Variants in PCDHGA1 observed in about 807,000 individuals in gnomAD.
PCDHGA1 encodes protocadherin gamma-A1.
In PCDHGA1, 32 loss-of-function variants were observed where a neutral mutation model predicts 58.0. That is an observed-to-expected ratio of 0.55 (90% CI 0.42 to 0.74). The LOEUF (loss-of-function observed/expected upper bound fraction) is 0.74. Among genes scored for constraint, PCDHGA1 ranks in the 30% least tolerant of loss-of-function variants. The pLI is 0.00. For synonymous variants in PCDHGA1, 498 were observed against 501.1 expected (o/e 0.99, Z 0.08); for missense variants, 1,205 against 1,182.3 (o/e 1.02, Z -0.28).
rs776550132 is a variant in PCDHGA1, at chr5:141,394,056, G to A, written c.2421+60951G>A. 6 of 1,613,616 alleles carry A rather than the reference G, an allele frequency of 3.7e-6. No homozygotes were observed. The African/African-American group carries it at 5.3e-5, about 14-fold the overall frequency. On this transcript the variant is annotated intron_variant, in intron 1 of 3. Coordinates refer to ENST00000517417, the MANE Select transcript of PCDHGA1 (RefSeq NM_018912.3). ...AAGGAAATATTTGGACCGAGAAAAT[G>A]TCTCTATCTACAATATCACAGTGAT...
At chr5:141,363,810 T>C (rs1763071623) in intron 1 of PCDHGA1, among the ~76,000 whole-genome samples, 1 of 152,204 alleles carries the variant, frequency 6.6e-6, no homozygotes, top group Non-Finnish European at 1.5e-5. Flanking sequence ...AAATCTTGAA[T>C]CCTACAAAGG....
intron 1 of PCDHGA1, among the ~76,000 whole-genome samples, chr5:141,425,699 G>A (rs535043616): frequency 6.6e-6 from 1 of 152,260 alleles, no homozygotes; most frequent in Non-Finnish European, 1.5e-5. Context: ...ATTTCATAGT[G>A]GTCAAAATTT....
chr5:141,410,435 G>C (rs772158163), intron 1 of PCDHGA1: 5 of 1,614,054 alleles, frequency 3.1e-6, no homozygotes, highest in Non-Finnish European at 4.2e-6. Flanking sequence ...CAACTACAGT[G>C]AGGGGACTTT....
At chr5:141,368,236 C>T (rs1444187989) in intron 1 of PCDHGA1, among the ~76,000 whole-genome samples, 1 of 152,160 alleles carries the variant, frequency 6.6e-6, no homozygotes, top group Non-Finnish European at 1.5e-5. Context: ...CTACATTACT[C>T]AACCACATGA....
rs1292747996 is a variant in PCDHGA1, at chr5:141,475,972, T to C, written c.2422-18835T>C. 2.0e-5 allele frequency: 19 copies of C among 963,712 alleles called. No individual in the cohort carries two copies. In the East Asian group the frequency reaches 3.4e-4, roughly 17 times the overall value. The allele number at this position is 963,712 out of a possible 1,614,324, so 59.7% of individuals were successfully genotyped here. A position where few individuals can be genotyped will look rare whatever the true frequency, so the allele number is the denominator to read the frequency against. ...CTGCGCCCCGGGATGAGGCAGAGAC[T>C]GAACAGCCGGCGAGCAAATCAACGG... On this transcript the variant is annotated intron_variant, in intron 1 of 3. Transcript: ENST00000517417.
intron 2 of PCDHGA1, among the ~76,000 whole-genome samples, chr5:141,503,203 A>G (rs10477147): frequency 0.037 from 5,590 of 152,130 alleles, 132 homozygotes; most frequent in South Asian, 0.073. Flanking sequence ...TCAGCCTCTC[A>G]GTGCCCACCA....
intron 1 of PCDHGA1, chr5:141,395,542 TTGTG>T (rs55729045): frequency 0.22 from 37,255 of 170,042 alleles, 4,387 homozygotes; most frequent in East Asian, 0.36. Flanking sequence ...TTGCTATTGT[TTGTG>T]TGTGTGTGTG....
chr5:141,467,693 G>A lies in PCDHGA1; in HGVS notation c.2422-27114G>A, dbSNP rs543886467. Among the ~76,000 whole-genome samples the A allele has an allele frequency of 2.0e-4, 30 of 152,110 alleles. No individual in the cohort carries two copies. In the South Asian group the frequency reaches 5.6e-3, roughly 28 times the overall value. On this transcript the variant is annotated intron_variant, in intron 1 of 3. Transcript: ENST00000517417. ...TTTTATTTTTTTTAGACAGGGTCTGGCTCTGTTGCCCAGGCTGGAGTGTAG... is the reference window on the plus strand; with the variant it reads ...TTTTATTTTTTTTAGACAGGGTCTGACTCTGTTGCCCAGGCTGGAGTGTAG...
chr5:141,360,423 C>T, intron 1 of PCDHGA1: 1 of 1,613,908 alleles, frequency 6.2e-7, no homozygotes, highest in Non-Finnish European at 8.5e-7. Flanking sequence ...AACAGATATG[C>T]GGGAAGCAGC....
At chr5:141,413,716 C>T in intron 1 of PCDHGA1, 2 of 1,613,608 alleles carry the variant, frequency 1.2e-6, no homozygotes, top group Non-Finnish European at 1.7e-6. Flanking sequence ...CCCCAATAAG[C>T]ACTTCTCCCT....
At chr5:141,380,084 G>C (rs1452303755) in intron 1 of PCDHGA1, among the ~76,000 whole-genome samples, 1 of 151,830 alleles carries the variant, frequency 6.6e-6, no homozygotes, top group Non-Finnish European at 1.5e-5. Flanking sequence ...ACTTTTAGTA[G>C]AGATGGGGTT....
chr5:141,398,707 C>T, intron 1 of PCDHGA1: 1 of 1,613,860 alleles, frequency 6.2e-7, no homozygotes, highest in Non-Finnish European at 8.5e-7. Flanking sequence ...ATACCCGGAA[C>T]TGGCACTGGA....
intron 1 of PCDHGA1, chr5:141,382,996 T>C (rs1296495835): frequency 6.2e-7 from 1 of 1,613,724 alleles, no homozygotes; most frequent in East Asian, 2.2e-5. Context: ...ACGTATTCTC[T>C]ACTCCGTGTC....
At position 141,413,851 on chromosome 5, in the gene PCDHGA1, C is replaced by T. The variant is rs766108205; in HGVS notation, c.2421+80746C>T. The T allele has an allele frequency of 1.5e-5, 25 of 1,613,340 alleles. No homozygotes were observed. In the East Asian group the frequency reaches 2.7e-4, roughly 17 times the overall value. ...CGCCTCCGACGGGGGTGACCCTCTC[C>T]GATCTGGCACTGTCCTTGTCAGTGT... On this transcript the variant is annotated intron_variant, in intron 1 of 3. Coordinates refer to ENST00000517417, the MANE Select transcript of PCDHGA1 (RefSeq NM_018912.3).
chr5:141,394,466 C>G lies in PCDHGA1; in HGVS notation c.2421+61361C>G, dbSNP rs765078363. 3.7e-6 allele frequency: 6 copies of G among 1,614,222 alleles called. 1 individual carries two copies. Among genetic ancestry groups the G allele is most frequent in the East Asian group, 4.5e-5 (2 of 44,878 alleles). On this transcript the variant is annotated intron_variant, in intron 1 of 3. Transcript: ENST00000517417. The stretch of plus-strand genomic sequence containing the variant: ...GCAGCAACATGTCACTGAGCCTGTT[C>G]GTGCTGGACCAGAATGACAACGCGC...
At chr5:141,393,115 G>A (rs1342924521) in intron 1 of PCDHGA1, 1 of 1,613,438 alleles carries the variant, frequency 6.2e-7, no homozygotes. Context: ...CAGAGCCCGC[G>A]GTGTCTGATA....
Position 141,476,017 on chromosome 5 carries a change from G to C in PCDHGA1, c.2422-18790G>C. The C allele has an allele frequency of 1.5e-6, 2 of 1,369,942 alleles. No individual in the cohort carries two copies. The highest frequency in any genetic ancestry group is 2.0e-6 in the Non-Finnish European group (2 of 1,015,658). The allele number at this position is 1,369,942 out of a possible 1,614,324, so 84.9% of individuals were successfully genotyped here. A position where few individuals can be genotyped will look rare whatever the true frequency, so the allele number is the denominator to read the frequency against. On this transcript the variant is annotated intron_variant, in intron 1 of 3. Coordinates refer to ENST00000517417, the MANE Select transcript of PCDHGA1 (RefSeq NM_018912.3). This position sits in a 1 kb window ranked among gnomAD's most constrained non-coding sequence, Gnocchi z 7.6. ...CAACGGCATCCAGAAAGCCATGTCG[G>C]ACTCGGCGCCCAGCGCCCAAGCGCT...
chr5:141,431,876 GA>G lies in PCDHGA1; in HGVS notation c.2422-62930del. 6.2e-7 allele frequency: 1 copy of G among 1,614,188 alleles called. No individual in the cohort carries two copies. Among genetic ancestry groups the G allele is most frequent in the Non-Finnish European group, 8.5e-7 (1 of 1,180,008 alleles). On this transcript the variant is annotated intron_variant, in intron 1 of 3. Transcript: ENST00000517417. The surrounding 1 kb of genome is among the most constrained non-coding windows in gnomAD (Gnocchi z 4.8). ...ATTAATTGCCCTTTTAAATGTAAATGACCAAGATTCTGAGGAAAACGGACAG... is the reference window on the plus strand; with the variant it reads ...ATTAATTGCCCTTTTAAATGTAAATGCCAAGATTCTGAGGAAAACGGACAG...
chr5:141,365,732 G>C (rs780327572), intron 1 of PCDHGA1: 1 of 1,613,694 alleles, frequency 6.2e-7, no homozygotes, highest in Non-Finnish European at 8.5e-7. Flanking sequence ...CAATCCCAGA[G>C]GTGTCTCTAT....
Sources: allele counts gnomAD v4.1 joint callset (sites outside exome capture counted in the v4.1 genomes callset), GRCh38; gene constraint gnomAD v4.1.1; non-coding constraint Gnocchi (gnomAD v3.1); transcripts MANE v1.5; gene names NCBI Gene and HGNC (gene_info 2026-07-23, HGNC 2026-07-21).